Variants in PTPRT observed in about 807,000 individuals in gnomAD.
PTPRT encodes protein tyrosine phosphatase receptor type T, also known as receptor-type tyrosine-protein phosphatase T.
PTPRT carries 56 observed loss-of-function variants against 176.8 expected under a neutral mutation model. The observed-to-expected ratio is 0.32, with a 90% confidence interval of 0.26 to 0.40. PTPRT has a LOEUF of 0.40. PTPRT is among the 10% of genes least tolerant of loss of function. The probability of loss-of-function intolerance (pLI) is 1.00; values close to 1 mark genes in which losing one functional copy is unlikely to be tolerated. For missense variants in PTPRT, 1,540 were observed against 1,908.2 expected (o/e 0.81, Z 3.60); for synonymous variants, 783 against 739.0 (o/e 1.06, Z -0.96).
At chr20:42,472,980 A>C (rs2071225415) in intron 7 of PTPRT, among the ~76,000 whole-genome samples, 1 of 152,152 alleles carries the variant, frequency 6.6e-6, no homozygotes. Context: ...ATTCAGCCCC[A>C]GCCTGTCCCC....
chr20:43,057,962 C>A (rs1428680246), intron 1 of PTPRT, among the ~76,000 whole-genome samples: 1 of 152,042 alleles, frequency 6.6e-6, no homozygotes, highest in Non-Finnish European at 1.5e-5. Flanking sequence ...TAGAAAGCAC[C>A]CAGTATATAT....
intron 1 of PTPRT, among the ~76,000 whole-genome samples, chr20:43,046,357 G>A (rs1233662218): frequency 1.3e-5 from 2 of 151,924 alleles, no homozygotes; most frequent in Non-Finnish European, 2.9e-5. Flanking sequence ...GGATCATGAG[G>A]TCAGATCGAG....
chr20:42,119,517 T>A (rs1987476522), intron 20 of PTPRT, among the ~76,000 whole-genome samples: 1 of 152,178 alleles, frequency 6.6e-6, no homozygotes, highest in Non-Finnish European at 1.5e-5. Context: ...CCAAGTTACT[T>A]TCTAGGGCAG....
At position 43,051,347 on chromosome 20, in the gene PTPRT, T is replaced by C. The variant is rs77008350; in HGVS notation, c.88+138299A>G. Among the ~76,000 whole-genome samples the C allele has an allele frequency of 6.6e-3, 1,006 of 152,248 alleles. 8 individuals are homozygous for C. The highest frequency in any genetic ancestry group is 0.024 in the African/African-American group (979 of 41,552). On this transcript the variant is annotated intron_variant, in intron 1 of 30. Transcript: ENST00000373187. ...TAAGTCCCAGTTAAGTAAAACTGAA[T>C]TGAATGCATTCTGTGCATTTCAATC...
chr20:42,431,360 A>C (rs2059214535), intron 9 of PTPRT, among the ~76,000 whole-genome samples: 1 of 152,186 alleles, frequency 6.6e-6, no homozygotes, highest in Non-Finnish European at 1.5e-5. Flanking sequence ...TAGTGTTATC[A>C]AATATATAAA....
At chr20:42,194,879 G>A (rs1369639461) in intron 16 of PTPRT, among the ~76,000 whole-genome samples, 1 of 152,098 alleles carries the variant, frequency 6.6e-6, no homozygotes, top group Non-Finnish European at 1.5e-5. Flanking sequence ...TTGAATAGAT[G>A]TCACAGAACT....
intron 2 of PTPRT, among the ~76,000 whole-genome samples, chr20:42,810,439 A>T (rs1266498803): frequency 6.6e-6 from 1 of 152,190 alleles, no homozygotes; most frequent in Non-Finnish European, 1.5e-5. Flanking sequence ...TTAAATATCT[A>T]TTGAATCTGA....
Position 42,886,442 on chromosome 20 carries a change from A to G in PTPRT, c.89-510T>C, listed in dbSNP as rs1478257763. 2.0e-5 allele frequency among the ~76,000 whole-genome samples: 3 copies of G among 152,312 alleles called. No homozygotes were observed. The East Asian group carries it at 5.8e-4, about 29-fold the overall frequency. Reference sequence around the variant, plus strand: ...GAGGGAAATGTCCAACCTCACAGAAATACCATGAGGAATAAATGGAATAAC... The same window carrying G: ...GAGGGAAATGTCCAACCTCACAGAAGTACCATGAGGAATAAATGGAATAAC... On this transcript the variant is annotated intron_variant, in intron 1 of 30. Coordinates refer to ENST00000373187, the MANE Select transcript of PTPRT (RefSeq NM_007050.6).
chr20:42,225,615 T>G (rs2055989098), intron 15 of PTPRT, among the ~76,000 whole-genome samples: 1 of 152,222 alleles, frequency 6.6e-6, no homozygotes, highest in Non-Finnish European at 1.5e-5. Flanking sequence ...TGTTTCAATG[T>G]TATGAGGCCG....
intron 12 of PTPRT, among the ~76,000 whole-genome samples, chr20:42,288,164 A>C (rs1166178783): frequency 2.0e-5 from 3 of 151,934 alleles, no homozygotes; most frequent in African/African-American, 7.2e-5. Flanking sequence ...TTTTTCACCA[A>C]GTAAACACAC....
intron 1 of PTPRT, among the ~76,000 whole-genome samples, chr20:43,180,433 G>A (rs933460805): frequency 7.0e-6 from 1 of 143,534 alleles, no homozygotes; most frequent in Non-Finnish European, 1.5e-5. Context: ...GAGAGGGAGA[G>A]AGAGGGAGAG....
chr20:42,684,182 G>A (rs139501721), intron 6 of PTPRT, among the ~76,000 whole-genome samples: 1 of 152,126 alleles, frequency 6.6e-6, no homozygotes, highest in East Asian at 1.9e-4. Context: ...GTGAAACCCT[G>A]TCTCTACTAA....
At chr20:42,582,536 A>G (rs375741636) in intron 7 of PTPRT, among the ~76,000 whole-genome samples, 6 of 152,282 alleles carry the variant, frequency 3.9e-5, no homozygotes, top group East Asian at 1.9e-4. Context: ...AGGGGCCACT[A>G]TCCCTCACGT....
chr20:43,121,712 G>A (rs2013268503), intron 1 of PTPRT, among the ~76,000 whole-genome samples: 1 of 152,124 alleles, frequency 6.6e-6, no homozygotes, highest in Admixed American at 6.5e-5. Flanking sequence ...AGGAGTGGCA[G>A]AGAAAATAAA....
intron 1 of PTPRT, among the ~76,000 whole-genome samples, chr20:42,980,947 A>G (rs545842803): frequency 1.3e-5 from 2 of 152,296 alleles, no homozygotes; most frequent in African/African-American, 4.8e-5. Flanking sequence ...AGTCTGCGGA[A>G]GAGTGGGAGC....
chr20:42,700,347 C>A (rs2075956400), intron 6 of PTPRT, among the ~76,000 whole-genome samples: 1 of 152,098 alleles, frequency 6.6e-6, no homozygotes, highest in Non-Finnish European at 1.5e-5. Context: ...CATCAAGAAG[C>A]CTGGAGGCTG....
At chr20:42,101,091 T>C (rs142303593) in intron 26 of PTPRT, among the ~76,000 whole-genome samples, 76 of 152,274 alleles carry the variant, frequency 5.0e-4, no homozygotes, top group African/African-American at 1.8e-3. Context: ...GAGGGCCACA[T>C]GGGCTAGATG....
In PTPRT at chr20:42,865,029, C is replaced by T. The variant is rs148250063; in HGVS notation, c.214+20778G>A. On this transcript the variant is annotated intron_variant, in intron 2 of 30. Coordinates refer to ENST00000373187, the MANE Select transcript of PTPRT (RefSeq NM_007050.6). Reference sequence around the variant, plus strand: ...ACTATACTCCAGGTGGCTCTCTGGCCTGCCAGGCCCCATCTGCTCCATGCT... The same window carrying T: ...ACTATACTCCAGGTGGCTCTCTGGCTTGCCAGGCCCCATCTGCTCCATGCT... Among the ~76,000 whole-genome samples the T allele has an allele frequency of 3.3e-3, 504 of 152,304 alleles. 1 individual carries two copies. Among genetic ancestry groups the T allele is most frequent in the African/African-American group, 0.012 (490 of 41,564 alleles).
At chr20:42,139,322 A>G (rs1988517620) in intron 18 of PTPRT, among the ~76,000 whole-genome samples, 1 of 152,198 alleles carries the variant, frequency 6.6e-6, no homozygotes, top group Non-Finnish European at 1.5e-5. Flanking sequence ...AAGGTGCTTC[A>G]GTTCTCTCTG....
Sources: allele counts gnomAD v4.1 joint callset (sites outside exome capture counted in the v4.1 genomes callset), GRCh38; gene constraint gnomAD v4.1.1; transcripts MANE v1.5; gene names NCBI Gene and HGNC (gene_info 2026-07-23, HGNC 2026-07-21).